Variants in STPG2 observed in about 807,000 individuals in gnomAD.
STPG2 encodes sperm tail PG-rich repeat containing 2.
In STPG2, 56 loss-of-function variants were observed where a neutral mutation model predicts 54.2. That is an observed-to-expected ratio of 1.03 (90% confidence interval 0.83 to 1.29). STPG2 has a LOEUF of 1.29. Ranked by LOEUF, STPG2 falls within the 50% of genes most tolerant of loss-of-function variation. The probability of loss-of-function intolerance (pLI) is 0.00; values close to 1 mark genes in which losing one functional copy is unlikely to be tolerated. For missense variants in STPG2, 596 were observed against 544.9 expected (o/e 1.09, Z -0.93); for synonymous variants, 200 against 181.8 (o/e 1.10, Z -0.81).
intron 4 of STPG2, chr4:97,490,217 C>A (rs1167672027): frequency 6.6e-6 from 1 of 151,316 alleles, no homozygotes; most frequent in Non-Finnish European, 1.5e-5. Context: ...ACCCCTCCCC[C>A]CATTTATTCT....
intron 4 of STPG2, among the ~76,000 whole-genome samples, chr4:97,533,158 G>A (rs1421838304): frequency 6.6e-6 from 1 of 152,020 alleles, no homozygotes; most frequent in Non-Finnish European, 1.5e-5. Context: ...TGGGATTACA[G>A]GCATAAGCCA....
intron 10 of STPG2, among the ~76,000 whole-genome samples, chr4:97,674,229 C>A (rs1257834038): frequency 6.6e-6 from 1 of 152,044 alleles, no homozygotes; most frequent in Non-Finnish European, 1.5e-5. Flanking sequence ...AGTAATAGGT[C>A]TTTCACGTAA....
At chr4:97,724,660 G>T (rs1319412131) in intron 9 of STPG2, among the ~76,000 whole-genome samples, 1 of 151,958 alleles carries the variant, frequency 6.6e-6, no homozygotes, top group Non-Finnish European at 1.5e-5. Context: ...ATTTAAAGTA[G>T]GTTTATATCT....
chr4:97,681,557 G>A (rs1426057841), intron 10 of STPG2, among the ~76,000 whole-genome samples: 1 of 151,680 alleles, frequency 6.6e-6, no homozygotes, highest in Non-Finnish European at 1.5e-5. Context: ...CATTTTTATG[G>A]TAAATGATAG....
At chr4:97,794,696 A>G (rs1321781628) in intron 9 of STPG2, among the ~76,000 whole-genome samples, 1 of 152,060 alleles carries the variant, frequency 6.6e-6, no homozygotes, top group Admixed American at 6.6e-5. Flanking sequence ...CTATTTTAAA[A>G]CCTTTATTAT....
chr4:97,972,879 A>T (rs570531721), intron 6 of STPG2, among the ~76,000 whole-genome samples: 1 of 152,206 alleles, frequency 6.6e-6, no homozygotes, highest in Non-Finnish European at 1.5e-5. Context: ...ACCTTCTGCC[A>T]TGATTGTGAG....
At chr4:97,861,484 C>G (rs909865446) in intron 8 of STPG2, among the ~76,000 whole-genome samples, 1 of 152,056 alleles carries the variant, frequency 6.6e-6, no homozygotes, top group Non-Finnish European at 1.5e-5. Flanking sequence ...CCAGCAATCC[C>G]ACTGCTAGGT....
intron 8 of STPG2, among the ~76,000 whole-genome samples, chr4:97,883,506 T>C (rs1325293859): frequency 6.6e-6 from 1 of 152,064 alleles, no homozygotes; most frequent in East Asian, 1.9e-4. Context: ...ATAAAGCCTT[T>C]AGTGGAAAAG....
At chr4:97,819,520 A>G (rs1234690598) in intron 9 of STPG2, among the ~76,000 whole-genome samples, 1 of 152,134 alleles carries the variant, frequency 6.6e-6, no homozygotes, top group Non-Finnish European at 1.5e-5. Flanking sequence ...TGATCTACTC[A>G]TTACTGAGTA....
intron 10 of STPG2, among the ~76,000 whole-genome samples, chr4:97,645,829 T>G (rs1368509943): frequency 6.6e-6 from 1 of 152,136 alleles, no homozygotes; most frequent in Non-Finnish European, 1.5e-5. Context: ...CCTCTAAAAC[T>G]TCACTGAGAT....
chr4:97,747,461 C>T (rs191709103), intron 9 of STPG2, among the ~76,000 whole-genome samples: 39 of 151,460 alleles, frequency 2.6e-4, no homozygotes, highest in African/African-American at 8.9e-4. Context: ...AATTTAATTT[C>T]TGTCCCAATT....
At chr4:97,850,280 G>T in intron 8 of STPG2, among the ~76,000 whole-genome samples, 1 of 39,966 alleles carries the variant, frequency 2.5e-5, no homozygotes, top group Non-Finnish European at 4.0e-5. Context: ...GTGGGGAGGG[G>T]GGAGGGGGGA....
intron 5 of STPG2, among the ~76,000 whole-genome samples, chr4:98,082,955 T>C (rs750720721): frequency 3.1e-4 from 47 of 152,280 alleles, no homozygotes; most frequent in Middle Eastern, 3.4e-3. Context: ...CATAATCTTC[T>C]ACTCTGGATC....
chr4:97,443,592 T>C (rs1186967255), intron 4 of STPG2, among the ~76,000 whole-genome samples: 1 of 152,048 alleles, frequency 6.6e-6, no homozygotes, highest in East Asian at 1.9e-4. Flanking sequence ...GGTTATACTC[T>C]AAAAATATGG....
At chr4:97,466,791 G>T (rs974828944) in intron 4 of STPG2, among the ~76,000 whole-genome samples, 1 of 151,782 alleles carries the variant, frequency 6.6e-6, no homozygotes, top group African/African-American at 2.4e-5. Context: ...ATGAATATTA[G>T]AAAAAGAAAC....
At chr4:98,018,315 G>C (rs999472472) in intron 5 of STPG2, among the ~76,000 whole-genome samples, 2 of 152,040 alleles carry the variant, frequency 1.3e-5, no homozygotes, top group African/African-American at 2.4e-5. Flanking sequence ...ATGATTTCCA[G>C]TTTCATCCAT....
intron 5 of STPG2, among the ~76,000 whole-genome samples, chr4:98,075,075 G>A (rs986242509): frequency 6.6e-6 from 1 of 152,170 alleles, no homozygotes; most frequent in Admixed American, 6.5e-5. Flanking sequence ...TTAAATCTTT[G>A]TGATTGCTGA....
chr4:97,902,782 C>A (rs72892930), intron 8 of STPG2, among the ~76,000 whole-genome samples: 19,396 of 152,092 alleles, frequency 0.13, 1,899 homozygotes, highest in African/African-American at 0.26. Context: ...GATCCTGCAA[C>A]TTCACTTTTG....
intron 10 of STPG2, among the ~76,000 whole-genome samples, chr4:97,573,328 A>T (rs1732645495): frequency 6.6e-6 from 1 of 152,200 alleles, no homozygotes; most frequent in South Asian, 2.1e-4. Flanking sequence ...TAAGCTCTAC[A>T]ACTCAATAGC....
Sources: allele counts gnomAD v4.1 joint callset (sites outside exome capture counted in the v4.1 genomes callset), GRCh38; gene constraint gnomAD v4.1.1; transcripts MANE v1.5; gene names NCBI Gene and HGNC (gene_info 2026-07-23, HGNC 2026-07-21).